AFAP1L1: variants seen among roughly 807,000 people sequenced by gnomAD.
AFAP1L1 encodes the protein actin filament associated protein 1 like 1.
In AFAP1L1, 77 loss-of-function variants were observed where a neutral mutation model predicts 99.8. The observed-to-expected ratio is 0.77, with a 90% CI of 0.64 to 0.93. The LOEUF (loss-of-function observed/expected upper bound fraction) is 0.93. Among genes scored for constraint, AFAP1L1 ranks in the 40% least tolerant of loss-of-function variants. AFAP1L1 has a pLI of 0.00. For missense variants in AFAP1L1, 893 were observed against 996.8 expected, an observed-to-expected ratio of 0.90 and a Z score of 1.40; for synonymous variants, 373 against 395.3, an observed-to-expected ratio of 0.94 and a Z score of 0.67.
chr5:149,297,928 G>A (rs894865210), intron 1 of AFAP1L1, among the ~76,000 whole-genome samples: 10 of 152,218 alleles, frequency 6.6e-5, no homozygotes, highest in African/African-American at 2.4e-4. Flanking sequence ...CTCTGTGCTG[G>A]GCAAGGCCCT....
rs1217704962 is a variant in AFAP1L1, at chr5:149,294,034, A to G, written c.17-5475A>G. On this transcript the variant is annotated intron_variant, in intron 1 of 18. Transcript: ENST00000296721. ...GGCTCCTATTCCCACCTTGATTCTC[A>G]GTTATTTCAGAAGAGGATAACTAAT... 6.6e-5 allele frequency among the ~76,000 whole-genome samples: 10 copies of G among 152,326 alleles called. No individual in the cohort carries two copies. The South Asian group carries it at 1.7e-3, about 25-fold the overall frequency.
intron 1 of AFAP1L1, among the ~76,000 whole-genome samples, chr5:149,280,470 G>GC (rs1255915896): frequency 1.4e-5 from 2 of 146,558 alleles, no homozygotes; most frequent in Non-Finnish European, 3.0e-5. Flanking sequence ...TTGGGAATCT[G>GC]CTTTTTTTTT....
At chr5:149,310,809 G>A (rs1756606683) in intron 8 of AFAP1L1, among the ~76,000 whole-genome samples, 1 of 152,190 alleles carries the variant, frequency 6.6e-6, no homozygotes, top group African/African-American at 2.4e-5. Context: ...AAGGCCATAG[G>A]CAGGATGACA....
intron 6 of AFAP1L1, among the ~76,000 whole-genome samples, 196 bp downstream of exon 6, chr5:149,306,600 C>A (rs1207357554): frequency 6.6e-6 from 1 of 152,236 alleles, no homozygotes; most frequent in African/African-American, 2.4e-5. Flanking sequence ...GTCAGAAGGC[C>A]TGGATCTAAC....
At chr5:149,329,443 G>A (rs1446291533) in intron 15 of AFAP1L1, among the ~76,000 whole-genome samples, 2 of 152,210 alleles carry the variant, frequency 1.3e-5, no homozygotes, top group Non-Finnish European at 1.5e-5. Flanking sequence ...CCAAATCTCA[G>A]ACTGTCTGTT....
chr5:149,291,421 G>T (rs1386148499), intron 1 of AFAP1L1, among the ~76,000 whole-genome samples: 1 of 151,134 alleles, frequency 6.6e-6, no homozygotes, highest in Non-Finnish European at 1.5e-5. Context: ...CAGCTACTCG[G>T]AGGCTGAGGC....
rs1755122148 is a variant in AFAP1L1, at chr5:149,271,938, C to T, written c.-31C>T. 8.2e-7 allele frequency: 1 copy of T among 1,226,456 alleles called. No individual in the cohort carries two copies. The highest frequency in any genetic ancestry group is 1.0e-6 in the Non-Finnish European group (1 of 983,648). The allele number at this position is 1,226,456 out of a possible 1,614,324, so 76.0% of individuals were successfully genotyped here. A position where few individuals can be genotyped will look rare whatever the true frequency, so the allele number is the denominator to read the frequency against. On this transcript the variant is annotated 5_prime_UTR_variant, in exon 1 of 19. Coordinates refer to ENST00000296721, the MANE Select transcript of AFAP1L1 (RefSeq NM_152406.4). Reference sequence around the variant, plus strand: ...GCCGCGCCGGAGCCCCTGCGCCCTGCGGCCCGCTCCCCGGGGACCGGGCCG... The same window carrying T: ...GCCGCGCCGGAGCCCCTGCGCCCTGTGGCCCGCTCCCCGGGGACCGGGCCG...
intron 5 of AFAP1L1, among the ~76,000 whole-genome samples, chr5:149,305,933 G>A (rs1365582080): frequency 6.8e-6 from 1 of 146,686 alleles, no homozygotes; most frequent in African/African-American, 2.6e-5. Flanking sequence ...ATGCACACAT[G>A]CAATGCTCTG....
At chr5:149,334,275 T>C (rs367575662) in intron 17 of AFAP1L1, among the ~76,000 whole-genome samples, 9 of 152,300 alleles carry the variant, frequency 5.9e-5, no homozygotes, top group East Asian at 3.9e-4. Flanking sequence ...TCCAACCTCA[T>C]TGTATAGATG....
At chr5:149,295,392 GT>G (rs1315969029) in intron 1 of AFAP1L1, among the ~76,000 whole-genome samples, 1 of 152,198 alleles carries the variant, frequency 6.6e-6, no homozygotes, top group Non-Finnish European at 1.5e-5. Flanking sequence ...GAACCAAACT[GT>G]TCTTACTTTA....
intron 1 of AFAP1L1, among the ~76,000 whole-genome samples, chr5:149,290,527 T>C (rs542313016): frequency 1.8e-4 from 6 of 32,950 alleles, no homozygotes; most frequent in Non-Finnish European, 5.1e-4. Context: ...GGTTGCTCAA[T>C]ATCTGTTATT....
Position 149,271,877 on chromosome 5 carries a change from G to A in AFAP1L1, c.-92G>A. Reference sequence around the variant, plus strand: ...GGACCGCAGAGAGCGCCGGCCGCTGGGCTGGCCTGAGAGCGCAGCGCGCCG... The same window carrying A: ...GGACCGCAGAGAGCGCCGGCCGCTGAGCTGGCCTGAGAGCGCAGCGCGCCG... On this transcript the variant is annotated 5_prime_UTR_variant, in exon 1 of 19. Coordinates refer to ENST00000296721, the MANE Select transcript of AFAP1L1 (RefSeq NM_152406.4). 9.9e-7 allele frequency: 1 copy of A among 1,014,702 alleles called. No homozygotes were observed. The highest frequency in any genetic ancestry group is 1.2e-6 in the Non-Finnish European group (1 of 804,738). 62.9% of individuals were successfully genotyped at this position (1,014,702 alleles called of 1,614,324 possible). A position where few individuals can be genotyped will look rare whatever the true frequency, so the allele number is the denominator to read the frequency against.
At chr5:149,280,239 TC>T (rs1019666933) in intron 1 of AFAP1L1, among the ~76,000 whole-genome samples, 35 of 152,316 alleles carry the variant, frequency 2.3e-4, no homozygotes, top group Non-Finnish European at 3.1e-4. Context: ...AAATCCCAAA[TC>T]CTGTTGACTA....
chr5:149,299,396 C>G, intron 1 of AFAP1L1, 113 bp from the exon 2 acceptor site: 1 of 1,435,554 alleles, frequency 7.0e-7, no homozygotes, highest in Non-Finnish European at 9.3e-7. Flanking sequence ...CTTGCACACC[C>G]GGACCTGCCC....
At chr5:149,303,689 C>T (rs1200282895) in intron 5 of AFAP1L1, among the ~76,000 whole-genome samples, 1 of 152,118 alleles carries the variant, frequency 6.6e-6, no homozygotes, top group Admixed American at 6.5e-5. Context: ...TACACAAACA[C>T]ACACACACAC....
chr5:149,322,854 G>GA, intron 15 of AFAP1L1, 137 bp downstream of exon 15: 1 of 682,802 alleles, frequency 1.5e-6, no homozygotes, highest in Non-Finnish European at 2.5e-6. Context: ...TCTACCGTAA[G>GA]AAAAATCACA....
intron 3 of AFAP1L1, among the ~76,000 whole-genome samples, chr5:149,300,734 T>A (rs1272937379): frequency 2.0e-5 from 3 of 152,222 alleles, no homozygotes; most frequent in Non-Finnish European, 4.4e-5. Context: ...GCTGGCTGCA[T>A]GCAGAGTACC....
chr5:149,331,467 A>T (rs1757257082), intron 16 of AFAP1L1, among the ~76,000 whole-genome samples: 1 of 152,072 alleles, frequency 6.6e-6, no homozygotes, highest in Admixed American at 6.5e-5. Context: ...AAAAATACAA[A>T]ACATTAGCCG....
intron 11 of AFAP1L1, among the ~76,000 whole-genome samples, chr5:149,316,528 CTGTA>C (rs1756803881): frequency 6.6e-6 from 1 of 152,308 alleles, no homozygotes; most frequent in East Asian, 1.9e-4. Context: ...CAGCTGACCA[CTGTA>C]TTTCTATGCT....
Sources: gnomAD v4.1 joint callset for allele counts (sites outside exome capture counted in the v4.1 genomes callset) on GRCh38, gnomAD v4.1.1 for gene constraint, MANE v1.5 for transcripts, NCBI Gene and HGNC (gene_info 2026-07-23, HGNC 2026-07-21) for gene names.